KCNB2: variants seen among roughly 807,000 people sequenced by gnomAD.
KCNB2 encodes the protein delayed rectifier potassium channel protein.
Under a neutral mutation model 61.5 loss-of-function variants are expected in KCNB2, and 15 were observed. The observed-to-expected ratio is 0.24, with a 90% CI of 0.16 to 0.38. KCNB2 has a LOEUF of 0.38. Ranked by LOEUF, KCNB2 falls within the 10% of genes least tolerant of loss-of-function variation. The probability of loss-of-function intolerance (pLI) is 1.00; values close to 1 mark genes in which losing one functional copy is unlikely to be tolerated. For synonymous variants in KCNB2, 457 were observed against 446.0 expected, an observed-to-expected ratio of 1.02 and a Z score of -0.31; for missense variants, 828 against 1,125.2, an observed-to-expected ratio of 0.74 and a Z score of 3.78.
intron 2 of KCNB2, among the ~76,000 whole-genome samples, chr8:72,723,395 C>T (rs1341059726): frequency 2.0e-5 from 3 of 152,152 alleles, no homozygotes; most frequent in Non-Finnish European, 4.4e-5. Flanking sequence ...ATCTTGTTGT[C>T]CCAAATGAAT....
intron 2 of KCNB2, among the ~76,000 whole-genome samples, chr8:72,598,549 A>T (rs888428314): frequency 2.0e-5 from 3 of 152,156 alleles, no homozygotes; most frequent in African/African-American, 7.2e-5. Context: ...ACAAGACAAG[A>T]ATGCCCTCTC....
At chr8:72,632,792 G>A (rs1805900694) in intron 2 of KCNB2, among the ~76,000 whole-genome samples, 1 of 152,096 alleles carries the variant, frequency 6.6e-6, no homozygotes, top group Non-Finnish European at 1.5e-5. Flanking sequence ...GTGTGTGTGT[G>A]GTCATTGCCA....
intron 2 of KCNB2, among the ~76,000 whole-genome samples, chr8:72,599,269 G>C (rs372354999): frequency 6.6e-6 from 1 of 152,126 alleles, no homozygotes; most frequent in Non-Finnish European, 1.5e-5. Context: ...CAATGGAACA[G>C]AACAGAGCCC....
intron 1 of KCNB2, among the ~76,000 whole-genome samples, chr8:72,542,417 A>G (rs1806203054): frequency 6.6e-6 from 1 of 152,136 alleles, no homozygotes; most frequent in Admixed American, 6.6e-5. Context: ...ACATTTCCTT[A>G]TAAAAATAGT....
intron 2 of KCNB2, among the ~76,000 whole-genome samples, chr8:72,677,691 C>T (rs1806683197): frequency 6.6e-6 from 1 of 152,164 alleles, no homozygotes; most frequent in South Asian, 2.1e-4. Flanking sequence ...TTGTGCTTCT[C>T]ATAACTCATT....
chr8:72,668,328 A>C (rs1806511593), intron 2 of KCNB2, among the ~76,000 whole-genome samples: 1 of 152,152 alleles, frequency 6.6e-6, no homozygotes, highest in Admixed American at 6.5e-5. Flanking sequence ...CCACATTGAC[A>C]CCACAAGTCC....
chr8:72,757,461 A>C (rs759800073), intron 2 of KCNB2, among the ~76,000 whole-genome samples: 2 of 152,166 alleles, frequency 1.3e-5, no homozygotes, highest in African/African-American at 4.8e-5. Flanking sequence ...AATTTTCTTT[A>C]TCTGGTGAAT....
At chr8:72,814,103 G>T (rs555415328) in intron 2 of KCNB2, among the ~76,000 whole-genome samples, 2 of 152,246 alleles carry the variant, frequency 1.3e-5, no homozygotes, top group East Asian at 3.9e-4. Flanking sequence ...GAGAACAAGA[G>T]TGCATGCTTT....
chr8:72,896,282 T>C (rs1471522998), intron 2 of KCNB2, among the ~76,000 whole-genome samples: 2 of 152,180 alleles, frequency 1.3e-5, no homozygotes, highest in Non-Finnish European at 2.9e-5. Context: ...CCTGGTTTCC[T>C]TACACTGGGA....
intron 2 of KCNB2, among the ~76,000 whole-genome samples, chr8:72,659,611 C>T (rs1806347471): frequency 6.6e-6 from 1 of 152,138 alleles, no homozygotes; most frequent in Admixed American, 6.5e-5. Flanking sequence ...GAGATTCATG[C>T]CACATTGAAA....
intron 2 of KCNB2, among the ~76,000 whole-genome samples, chr8:72,695,395 T>G (rs537453497): frequency 1.3e-5 from 2 of 152,302 alleles, no homozygotes; most frequent in South Asian, 4.1e-4. Flanking sequence ...ATAAAATATC[T>G]TCTTCAAAAT....
At chr8:72,598,438 A>G (rs1352959569) in intron 2 of KCNB2, among the ~76,000 whole-genome samples, 2 of 152,246 alleles carry the variant, frequency 1.3e-5, no homozygotes, top group African/African-American at 4.8e-5. Flanking sequence ...TTAGGTATTG[A>G]TGGGACATAT....
intron 2 of KCNB2, among the ~76,000 whole-genome samples, chr8:72,720,591 A>T (rs1447496505): frequency 6.6e-6 from 1 of 152,120 alleles, no homozygotes. Context: ...CACCTTCATC[A>T]TAGTGCATTA....
At chr8:72,819,118 A>G (rs1345710988) in intron 2 of KCNB2, among the ~76,000 whole-genome samples, 2 of 152,118 alleles carry the variant, frequency 1.3e-5, no homozygotes, top group African/African-American at 4.8e-5. Flanking sequence ...GATTCTTCCA[A>G]GGTCACGCCA....
chr8:72,698,125 G>A (rs1308513137), intron 2 of KCNB2, among the ~76,000 whole-genome samples: 1 of 152,020 alleles, frequency 6.6e-6, no homozygotes, highest in Non-Finnish European at 1.5e-5. Flanking sequence ...CTGTCAAAAG[G>A]CTCCTGGAAC....
intron 2 of KCNB2, among the ~76,000 whole-genome samples, chr8:72,820,258 A>G (rs935630907): frequency 1.3e-5 from 2 of 152,186 alleles, no homozygotes; most frequent in African/African-American, 4.8e-5. Context: ...AAGCCCACCA[A>G]CAAGTACTGG....
At chr8:72,819,844 G>T (rs1809463546) in intron 2 of KCNB2, among the ~76,000 whole-genome samples, 1 of 152,098 alleles carries the variant, frequency 6.6e-6, no homozygotes, top group South Asian at 2.1e-4. Context: ...AAACTCAGCA[G>T]ATTCTCCACT....
intron 2 of KCNB2, among the ~76,000 whole-genome samples, chr8:72,868,521 T>C (rs959898027): frequency 1.3e-4 from 19 of 151,536 alleles, no homozygotes; most frequent in Admixed American, 1.2e-3. Flanking sequence ...GAGGTTGCAG[T>C]GAGCCGAGAT....
At chr8:72,622,278 A>G (rs558327615) in intron 2 of KCNB2, among the ~76,000 whole-genome samples, 1 of 152,350 alleles carries the variant, frequency 6.6e-6, no homozygotes, top group South Asian at 2.1e-4. Context: ...AAGTGATTTC[A>G]GAAGAAGAAA....
Sources: allele counts gnomAD v4.1 joint callset (sites outside exome capture counted in the v4.1 genomes callset), GRCh38; gene constraint gnomAD v4.1.1; transcripts MANE v1.5; gene names NCBI Gene and HGNC (gene_info 2026-07-23, HGNC 2026-07-21).